FCHO2: variants seen among roughly 807,000 people sequenced by gnomAD.
The protein encoded by FCHO2 is F-BAR domain only protein 2.
Under a neutral mutation model 114.1 loss-of-function variants are expected in FCHO2, and 43 were observed. The ratio of observed to expected loss-of-function variants is 0.38; its 90% confidence interval spans 0.30 to 0.49. The LOEUF is 0.49. Ranked by LOEUF, FCHO2 falls within the 20% of genes least tolerant of loss-of-function variation. The probability of loss-of-function intolerance (pLI) is 0.97; values close to 1 mark genes in which losing one functional copy is unlikely to be tolerated. For missense variants in FCHO2, 807 were observed against 950.4 expected, an observed-to-expected ratio of 0.85 and a Z score of 1.98; for synonymous variants, 293 against 315.2, an observed-to-expected ratio of 0.93 and a Z score of 0.75.
chr5:73,052,236 A>G, intron 12 of FCHO2, 96 bp from the exon 13 acceptor site: 1 of 1,259,184 alleles, frequency 7.9e-7, no homozygotes, highest in African/African-American at 1.5e-5. Flanking sequence ...AGTCTGTGTA[A>G]CTCTTAAAGG....
At chr5:73,008,575 A>G (rs1479798649) in intron 6 of FCHO2, among the ~76,000 whole-genome samples, 1 of 152,176 alleles carries the variant, frequency 6.6e-6, no homozygotes, top group Admixed American at 6.5e-5. Context: ...TATGAGATAC[A>G]TAATTGGTGA....
At chr5:73,037,008 C>G (rs1422332124) in intron 9 of FCHO2, 135 bp from the exon 10 acceptor site, 1 of 492,754 alleles carries the variant, frequency 2.0e-6, no homozygotes, top group Non-Finnish European at 3.5e-6. Context: ...TGGTTGCTAA[C>G]TTTATTTCTG....
At chr5:72,992,970 A>G (rs894681096) in intron 5 of FCHO2, among the ~76,000 whole-genome samples, 1 of 152,054 alleles carries the variant, frequency 6.6e-6, no homozygotes, top group East Asian at 1.9e-4. Context: ...CAAAATAAAA[A>G]AAAAAAACTC....
chr5:73,054,581 G>A (rs1269847161), intron 15 of FCHO2, 32 bp downstream of exon 15: 9 of 1,487,338 alleles, frequency 6.1e-6, no homozygotes, highest in Middle Eastern at 1.7e-4. Flanking sequence ...TTTATTTTAT[G>A]TCTATTAAAA....
chr5:72,989,029 C>T (rs1753687689), intron 2 of FCHO2, among the ~76,000 whole-genome samples: 1 of 151,952 alleles, frequency 6.6e-6, no homozygotes, highest in Non-Finnish European at 1.5e-5. Context: ...GGCAACATAG[C>T]AAGGCCCCAT....
At chr5:73,035,397 C>T (rs564758095) in intron 9 of FCHO2, among the ~76,000 whole-genome samples, 2 of 151,988 alleles carry the variant, frequency 1.3e-5, no homozygotes, top group African/African-American at 2.4e-5. Flanking sequence ...CCAGCCTGGG[C>T]GACAGAGTGA....
At chr5:73,051,749 A>G (rs1027156759) in intron 12 of FCHO2, among the ~76,000 whole-genome samples, 2 of 151,914 alleles carry the variant, frequency 1.3e-5, no homozygotes. Context: ...TATTTTTAGT[A>G]GAGACAGGGT....
chr5:73,017,371 G>T, intron 8 of FCHO2, 63 bp downstream of exon 8: 1 of 1,034,454 alleles, frequency 9.7e-7, no homozygotes, highest in Non-Finnish European at 1.4e-6. Context: ...TAACATATTT[G>T]CCTTGAAGAT....
At chr5:73,082,314 C>T (rs1458704804) in intron 23 of FCHO2, among the ~76,000 whole-genome samples, 4 of 148,190 alleles carry the variant, frequency 2.7e-5, no homozygotes, top group Non-Finnish European at 4.4e-5. Context: ...TTAAATATAG[C>T]ATCTGGCAAG....
intron 5 of FCHO2, among the ~76,000 whole-genome samples, chr5:73,004,310 C>T (rs1381870812): frequency 6.6e-6 from 1 of 151,900 alleles, no homozygotes; most frequent in Non-Finnish European, 1.5e-5. Flanking sequence ...TGAACAGGGG[C>T]AGGATATTAG....
chr5:73,023,160 G>C (rs1037781658), intron 8 of FCHO2, among the ~76,000 whole-genome samples: 5 of 152,100 alleles, frequency 3.3e-5, no homozygotes, highest in Non-Finnish European at 7.3e-5. Context: ...AATTACTACT[G>C]TAGTACATTG....
chr5:73,024,254 A>G (rs891320796), intron 8 of FCHO2, among the ~76,000 whole-genome samples: 2 of 151,800 alleles, frequency 1.3e-5, no homozygotes, highest in African/African-American at 4.8e-5. Context: ...TGGAGACAGA[A>G]TCTTACTATG....
At chr5:73,073,847 ATTAT>A (rs1239119923) in intron 19 of FCHO2, among the ~76,000 whole-genome samples, 1 of 152,138 alleles carries the variant, frequency 6.6e-6, no homozygotes, top group Non-Finnish European at 1.5e-5. Flanking sequence ...GTTGACCTAG[ATTAT>A]TTATTTTTTT....
In FCHO2 at chr5:72,956,104, T is replaced by C. The variant is rs1751514704; in HGVS notation, c.8T>C (p.Met3Thr). Residue 3 changes from methionine to threonine, a missense_variant, in exon 1 of 26, where the codon ATG becomes ACG. Coordinates refer to ENST00000430046, the MANE Select transcript of FCHO2 (RefSeq NM_138782.3). ...CGGCGCGGCGGCGGCACGATGGTCA[T>C]GGCGTATTTCGTCGAGAATTTTTGG... MV[M>T]AYFVENFWGE... 3 of 1,541,784 alleles carry C rather than the reference T, an allele frequency of 1.9e-6. No individual in the cohort carries two copies.
At chr5:73,071,436 G>T (rs192336654) in intron 19 of FCHO2, among the ~76,000 whole-genome samples, 277 of 152,096 alleles carry the variant, frequency 1.8e-3, no homozygotes, top group Non-Finnish European at 2.8e-3. Flanking sequence ...GGGTGTCTGT[G>T]TTTTATTTCT....
At position 72,985,963 on chromosome 5, in the gene FCHO2, TC is replaced by T. The variant is rs547556323; in HGVS notation, c.126-3463del. On this transcript the variant is annotated intron_variant, in intron 2 of 25. Transcript: ENST00000430046. ...TCTTCAAATATTTTCTCTAACTCATTCTTTCTCTTTACTCATTTATCTGACT... is the reference window on the plus strand; with the variant it reads ...TCTTCAAATATTTTCTCTAACTCATTTTTCTCTTTACTCATTTATCTGACT... Among the ~76,000 whole-genome samples, 15 of 152,246 alleles carry T rather than the reference TC, an allele frequency of 9.9e-5. No homozygotes were observed. In the East Asian group the frequency reaches 2.1e-3, roughly 22 times the overall value.
chr5:72,979,499 C>T (rs1275989180), intron 2 of FCHO2, among the ~76,000 whole-genome samples: 2 of 136,146 alleles, frequency 1.5e-5, no homozygotes, highest in Non-Finnish European at 3.1e-5. Context: ...TCACGCCATT[C>T]TCCTGCCTCA....
chr5:72,996,958 C>T (rs1580070941), intron 5 of FCHO2: 8 of 1,606,892 alleles, frequency 5.0e-6, no homozygotes, highest in Admixed American at 1.7e-5. Flanking sequence ...TGCGCACGTT[C>T]GTGGCCTTCG....
rs1754720500 is a variant in FCHO2 at position 73,006,469 on chromosome 5, A to G, written c.520A>G (p.Thr174Ala). ...EKAAVKSKKA[T>A]DTYKLYVEKY... ...GGCAGCTGTTAAATCTAAGAAAGCT[A>G]CAGATACCTATAAACTCTATGTGGA... Residue 174 changes from threonine (T) to alanine (A), a missense_variant, in exon 6 of 26, where the codon ACA becomes GCA. Transcript: ENST00000430046. 1 of 1,551,348 alleles carries G rather than the reference A, an allele frequency of 6.4e-7. No individual in the cohort carries two copies. Among genetic ancestry groups the G allele is most frequent in the Non-Finnish European group, 8.6e-7 (1 of 1,156,564 alleles).
Sources: gnomAD v4.1 joint callset for allele counts (sites outside exome capture counted in the v4.1 genomes callset) on GRCh38, gnomAD v4.1.1 for gene constraint, MANE v1.5 for transcripts, NCBI Gene and HGNC (gene_info 2026-07-23, HGNC 2026-07-21) for gene names.